The following NALF1 variants were observed in gnomAD, a reference collection of about 807,000 sequenced individuals.
NALF1 encodes the protein family with sequence similarity 155 member A.
Under a neutral mutation model 48.4 loss-of-function variants are expected in NALF1, and 3 were observed. That is an observed-to-expected ratio of 0.06 (90% CI 0.03 to 0.16). NALF1 has a LOEUF of 0.16. Among genes scored for constraint, NALF1 ranks in the 10% least tolerant of loss-of-function variants. The probability of loss-of-function intolerance (pLI) is 1.00; values close to 1 mark genes in which losing one functional copy is unlikely to be tolerated. For missense variants in NALF1, 526 were observed against 571.5 expected (o/e 0.92, Z 0.81); for synonymous variants, 262 against 245.7 (o/e 1.07, Z -0.62).
At position 107,866,592 on chromosome 13, in the gene NALF1, G is replaced by A. The variant is rs758238905; in HGVS notation, c.5C>T (p.Thr2Ile). Residue 2 changes from threonine to isoleucine, a missense_variant, in exon 1 of 3, where the codon ACC (threonine) becomes ATC (isoleucine). By Grantham distance (89) the Thr-to-Ile change is moderately conservative. Transcript: ENST00000375915. This position sits in a 1 kb window ranked among gnomAD's most constrained non-coding sequence, Gnocchi z 4.4. M[T>I]RGAWMCRQYD... The stretch of plus-strand genomic sequence containing the variant: ...CTGCCGACACATCCAAGCACCCCTG[G>A]TCATATTTTGGGAACGCACAGCCCT... 1.2e-6 allele frequency: 2 copies of A among 1,603,210 alleles called. No homozygotes were observed. Among genetic ancestry groups the A allele is most frequent in the Non-Finnish European group, 1.7e-6 (2 of 1,177,748 alleles).
intron 1 of NALF1, among the ~76,000 whole-genome samples, chr13:107,420,660 G>C (rs1884170070): frequency 6.6e-6 from 1 of 152,064 alleles, no homozygotes; most frequent in Non-Finnish European, 1.5e-5. Context: ...CATTAATCTA[G>C]GAAGAAGCAA....
intron 1 of NALF1, among the ~76,000 whole-genome samples, chr13:107,764,938 T>C (rs1344929488): frequency 6.6e-6 from 1 of 152,192 alleles, no homozygotes; most frequent in African/African-American, 2.4e-5. Flanking sequence ...GTAATTTATC[T>C]TACTACGTGG....
intron 1 of NALF1, among the ~76,000 whole-genome samples, chr13:107,429,037 G>C (rs559292283): frequency 6.6e-6 from 1 of 152,228 alleles, no homozygotes; most frequent in East Asian, 1.9e-4. Flanking sequence ...AAAGAAAAGA[G>C]ATTAGCCGGG....
chr13:107,477,035 T>C (rs1407601239), intron 1 of NALF1, among the ~76,000 whole-genome samples: 1 of 152,104 alleles, frequency 6.6e-6, no homozygotes, highest in Non-Finnish European at 1.5e-5. Flanking sequence ...GGAAACTGAG[T>C]CAATAAAAAG....
chr13:107,553,811 A>G (rs1877371437), intron 1 of NALF1, among the ~76,000 whole-genome samples: 1 of 152,244 alleles, frequency 6.6e-6, no homozygotes, highest in Middle Eastern at 3.2e-3. Flanking sequence ...CTCAGAGCCC[A>G]GAGGAGCAAT....
At chr13:107,626,298 C>G (rs953958964) in intron 1 of NALF1, among the ~76,000 whole-genome samples, 1 of 151,988 alleles carries the variant, frequency 6.6e-6, no homozygotes, top group African/African-American at 2.4e-5. Flanking sequence ...AAGGGAAACC[C>G]TCATACACAG....
At chr13:107,777,278 C>A (rs1415767780) in intron 1 of NALF1, among the ~76,000 whole-genome samples, 6 of 152,126 alleles carry the variant, frequency 3.9e-5, no homozygotes, top group Non-Finnish European at 8.8e-5. Flanking sequence ...TTGCCCCAAA[C>A]AGACAACTAG....
At chr13:107,687,992 C>A (rs566676121) in intron 1 of NALF1, among the ~76,000 whole-genome samples, 5 of 152,136 alleles carry the variant, frequency 3.3e-5, no homozygotes, top group Non-Finnish European at 5.9e-5. Flanking sequence ...AGAATACTGG[C>A]ATAGAACTTT....
At chr13:107,558,148 G>C (rs775508337) in intron 1 of NALF1, among the ~76,000 whole-genome samples, 3 of 151,742 alleles carry the variant, frequency 2.0e-5, no homozygotes, top group Non-Finnish European at 4.4e-5. Context: ...TTCAAATGTT[G>C]ATGAAGATGA....
chr13:107,266,443 C>T (rs551332549), intron 1 of NALF1, among the ~76,000 whole-genome samples: 1 of 152,222 alleles, frequency 6.6e-6, no homozygotes, highest in Admixed American at 6.5e-5. Flanking sequence ...CACACCGTCA[C>T]GCAAACATTC....
chr13:107,521,687 C>T (rs1876244024), intron 1 of NALF1, among the ~76,000 whole-genome samples: 1 of 151,908 alleles, frequency 6.6e-6, no homozygotes, highest in Non-Finnish European at 1.5e-5. Flanking sequence ...AGAGGAGTTG[C>T]TCTCATCAGC....
intron 1 of NALF1, among the ~76,000 whole-genome samples, chr13:107,647,062 TCA>T (rs1880332569): frequency 1.3e-5 from 2 of 152,068 alleles, no homozygotes; most frequent in Non-Finnish European, 2.9e-5. Context: ...TATTTATAAA[TCA>T]AAAGTTTGGA....
chr13:107,212,510 G>A (rs1243754100), intron 1 of NALF1, among the ~76,000 whole-genome samples: 1 of 152,218 alleles, frequency 6.6e-6, no homozygotes. Context: ...GACAGCAAGA[G>A]GCTGCCTCAG....
intron 1 of NALF1, among the ~76,000 whole-genome samples, chr13:107,251,753 A>G (rs1380854681): frequency 6.6e-6 from 1 of 152,180 alleles, no homozygotes; most frequent in Non-Finnish European, 1.5e-5. Context: ...TTTCCTAGCC[A>G]TGTTTAAGTG....
At chr13:107,312,787 T>C (rs1882073032) in intron 1 of NALF1, among the ~76,000 whole-genome samples, 1 of 152,298 alleles carries the variant, frequency 6.6e-6, no homozygotes, top group Non-Finnish European at 1.5e-5. Flanking sequence ...CTCAAGTTAA[T>C]GGCCACTCTG....
intron 1 of NALF1, among the ~76,000 whole-genome samples, chr13:107,491,872 G>A (rs2139069985): frequency 6.6e-6 from 1 of 151,938 alleles, no homozygotes; most frequent in African/African-American, 2.4e-5. Flanking sequence ...TAAAAGAGAG[G>A]AAATAATAGG....
chr13:107,503,712 T>A (rs531791880), intron 1 of NALF1, among the ~76,000 whole-genome samples: 19 of 151,354 alleles, frequency 1.3e-4, no homozygotes, highest in African/African-American at 4.1e-4. Context: ...TGTCCATCCG[T>A]GGGCAAATGA....
At chr13:107,794,510 T>G (rs1878352969) in intron 1 of NALF1, among the ~76,000 whole-genome samples, 1 of 149,680 alleles carries the variant, frequency 6.7e-6, no homozygotes, top group Admixed American at 6.6e-5. Context: ...TGCTTAACAA[T>G]ATGTCAAAAT....
chr13:107,753,910 G>A (rs1877011028), intron 1 of NALF1, among the ~76,000 whole-genome samples: 1 of 152,146 alleles, frequency 6.6e-6, no homozygotes, highest in South Asian at 2.1e-4. Flanking sequence ...TGAGAAAAGA[G>A]TGATAACATG....
Sources: gnomAD v4.1 joint callset for allele counts (sites outside exome capture counted in the v4.1 genomes callset) on GRCh38, gnomAD v4.1.1 for gene constraint, Gnocchi (gnomAD v3.1) non-coding constraint, MANE v1.5 for transcripts, NCBI Gene and HGNC (gene_info 2026-07-23, HGNC 2026-07-21) for gene names.